Variants in LRP12 observed in about 807,000 individuals in gnomAD.
LRP12 encodes low-density lipoprotein receptor-related protein 12.
Under a neutral mutation model 66.0 loss-of-function variants are expected in LRP12, and 14 were observed. That is an observed-to-expected ratio of 0.21 (90% CI 0.14 to 0.33). LRP12 has a LOEUF of 0.33. Among genes scored for constraint, LRP12 ranks in the 10% least tolerant of loss-of-function variants. The probability of loss-of-function intolerance (pLI) is 1.00; values close to 1 mark genes in which losing one functional copy is unlikely to be tolerated. For synonymous variants in LRP12, 357 were observed against 359.1 expected, an observed-to-expected ratio of 0.99 and a Z score of 0.07; for missense variants, 889 against 1,053.4, an observed-to-expected ratio of 0.84 and a Z score of 2.16.
intron 1 of LRP12, among the ~76,000 whole-genome samples, chr8:104,546,468 A>G (rs775970079): frequency 9.9e-5 from 15 of 152,282 alleles, no homozygotes; most frequent in Non-Finnish European, 2.1e-4. Flanking sequence ...AACATTACAC[A>G]TTGTACGAAT....
intron 1 of LRP12, among the ~76,000 whole-genome samples, chr8:104,585,866 G>A (rs1812322028): frequency 6.6e-6 from 1 of 152,198 alleles, no homozygotes; most frequent in Non-Finnish European, 1.5e-5. Context: ...TAGGAGGTGA[G>A]CAAGACTAAC....
intron 2 of LRP12, 27 bp from the exon 3 acceptor site, chr8:104,509,101 CTTA>C (rs764972300): frequency 6.2e-7 from 1 of 1,605,310 alleles, no homozygotes; most frequent in East Asian, 2.2e-5. Context: ...GCAATCTTTC[CTTA>C]TTATTACACA....
rs1027741261 is a variant in LRP12 at position 104,532,468 on chromosome 8, G to A, written c.80-505C>T. ...AACAATTCTAACAATCTTAAGTATT[G>A]CGAATATTTACTCCCTCAAATTAAT... is the stretch of plus-strand genomic sequence containing the variant. On this transcript the variant is annotated intron_variant, in intron 1 of 6. Transcript: ENST00000276654. Among the ~76,000 whole-genome samples, 77 of 150,632 alleles carry A rather than the reference G, an allele frequency of 5.1e-4. 3 individuals are homozygous for A. Among genetic ancestry groups the A allele is most frequent in the African/African-American group, 2.4e-5 (1 of 40,956 alleles).
intron 1 of LRP12, among the ~76,000 whole-genome samples, chr8:104,535,039 A>T (rs1420856991): frequency 6.6e-6 from 1 of 151,684 alleles, no homozygotes; most frequent in East Asian, 1.9e-4. Context: ...AAAAAAAAAA[A>T]GTCTGATAAA....
At chr8:104,517,651 T>C (rs373142985) in intron 2 of LRP12, among the ~76,000 whole-genome samples, 1 of 152,072 alleles carries the variant, frequency 6.6e-6, no homozygotes, top group African/African-American at 2.4e-5. Context: ...CAAAGGATAA[T>C]AGCATATATA....
chr8:104,498,037 C>G lies in LRP12; in HGVS notation c.515G>C (p.Arg172Pro). 1.2e-6 allele frequency: 2 copies of G among 1,608,564 alleles called. No homozygotes were observed. Among genetic ancestry groups the G allele is most frequent in the Non-Finnish European group, 1.7e-6 (2 of 1,176,856 alleles). Residue 172 changes from arginine to proline, a missense_variant, in exon 5 of 7, where the codon CGT becomes CCT. Coordinates refer to ENST00000276654, the MANE Select transcript of LRP12 (RefSeq NM_013437.5). ...EEPNCACDQF[R>P]CGNGKCIPEA... ...TGGTATACACTTTCCATTACCACAACGAAACTGATCACAAGCACAATTTGG... is the reference window on the plus strand; with the variant it reads ...TGGTATACACTTTCCATTACCACAAGGAAACTGATCACAAGCACAATTTGG...
intron 2 of LRP12, among the ~76,000 whole-genome samples, chr8:104,522,735 TTTATAAACTTCAGGCTAG>T (rs1490223665): frequency 5.9e-5 from 9 of 152,138 alleles, no homozygotes; most frequent in Admixed American, 1.3e-4. Flanking sequence ...CAGAAAATAT[TTTATAAACTTCAGGCTAG>T]TTTTTGCCTA....
In LRP12 at chr8:104,519,734, C is replaced by T. The variant is rs1456421637; in HGVS notation, c.137-10660G>A. Among the ~76,000 whole-genome samples, 6 of 152,106 alleles carry T rather than the reference C, an allele frequency of 3.9e-5. No individual in the cohort carries two copies. In the South Asian group the frequency reaches 1.2e-3, roughly 32 times the overall value. Reference sequence around the variant, plus strand: ...TCACTCCCACTTAGGACTCTCATTACTCTGAGACTTATTATTAGAAACCGC... The same window carrying T: ...TCACTCCCACTTAGGACTCTCATTATTCTGAGACTTATTATTAGAAACCGC... On this transcript the variant is annotated intron_variant, in intron 2 of 6. Coordinates refer to ENST00000276654, the MANE Select transcript of LRP12 (RefSeq NM_013437.5).
intron 1 of LRP12, among the ~76,000 whole-genome samples, chr8:104,570,820 G>GA (rs1279178491): frequency 1.3e-5 from 2 of 151,044 alleles, no homozygotes; most frequent in African/African-American, 2.4e-5. Flanking sequence ...ACTGTCTAGA[G>GA]AAAAAAAAGA....
At chr8:104,530,580 T>C (rs1370785354) in intron 2 of LRP12, among the ~76,000 whole-genome samples, 5 of 152,188 alleles carry the variant, frequency 3.3e-5, no homozygotes, top group Non-Finnish European at 7.3e-5. Flanking sequence ...CTGATGTCTG[T>C]TATTTAAGCC....
In LRP12 at chr8:104,588,799, G is replaced by A. The variant is rs200999165; in HGVS notation, c.79+20C>T. 3.7e-4 allele frequency: 589 copies of A among 1,609,824 alleles called. 1 individual carries two copies. The African/African-American group carries it at 7.0e-3, about 19-fold the overall frequency. On this transcript the variant is annotated intron_variant, in intron 1 of 6. Coordinates refer to ENST00000276654, the MANE Select transcript of LRP12 (RefSeq NM_013437.5). ...CTCAGCTTTGTTCGGTCAGCGGGGC[G>A]CGGGGACGCGGACACTTACCGTACA... is the stretch of plus-strand genomic sequence containing the variant.
chr8:104,544,892 G>C (rs1327974241), intron 1 of LRP12, among the ~76,000 whole-genome samples: 1 of 152,126 alleles, frequency 6.6e-6, no homozygotes, highest in Non-Finnish European at 1.5e-5. Context: ...CAACTTTCAA[G>C]CCTATTATTT....
At chr8:104,532,546 A>G (rs965923996) in intron 1 of LRP12, among the ~76,000 whole-genome samples, 1 of 152,100 alleles carries the variant, frequency 6.6e-6, no homozygotes, top group African/African-American at 2.4e-5. Context: ...TTTATACATC[A>G]TTAGTTCTAA....
chr8:104,493,014 A>G (rs1396239470), intron 6 of LRP12, among the ~76,000 whole-genome samples: 1 of 152,196 alleles, frequency 6.6e-6, no homozygotes, highest in African/African-American at 2.4e-5. Context: ...TTGTGCTGCT[A>G]TTAGCCATCA....
Position 104,531,980 on chromosome 8 carries a change from T to C in LRP12, c.80-17A>G. 4 of 1,540,576 alleles carry C rather than the reference T, an allele frequency of 2.6e-6. No individual in the cohort carries two copies. Among genetic ancestry groups the C allele is most frequent in the South Asian group, 1.2e-5 (1 of 83,810 alleles). On this transcript the variant is annotated splice_polypyrimidine_tract_variant and intron_variant, in intron 1 of 6. Transcript: ENST00000276654. ...CACCATTTCCTAAAATTAAACATAA[T>C]GAATAAACTAATATCCAAGATAAAA...
At chr8:104,569,581 G>A (rs1224452040) in intron 1 of LRP12, among the ~76,000 whole-genome samples, 2 of 151,988 alleles carry the variant, frequency 1.3e-5, no homozygotes, top group African/African-American at 4.8e-5. Context: ...ACAGAAAAGG[G>A]ATTTTTCTAA....
At chr8:104,536,688 G>T (rs1448245788) in intron 1 of LRP12, among the ~76,000 whole-genome samples, 1 of 151,962 alleles carries the variant, frequency 6.6e-6, no homozygotes, top group African/African-American at 2.4e-5. Flanking sequence ...TAAAAATAGG[G>T]ATGAGGACAG....
chr8:104,547,575 T>TA (rs1272738687), intron 1 of LRP12, among the ~76,000 whole-genome samples: 16 of 124,062 alleles, frequency 1.3e-4, no homozygotes, highest in Non-Finnish European at 9.5e-5. Flanking sequence ...TAATAATTAT[T>TA]ATATATTAAT....
intron 1 of LRP12, among the ~76,000 whole-genome samples, chr8:104,533,427 C>T (rs770320531): frequency 3.3e-5 from 5 of 152,054 alleles, no homozygotes; most frequent in Non-Finnish European, 7.4e-5. Context: ...AGTAGACTAG[C>T]AGTACTGGCC....
Sources: gnomAD v4.1 joint callset for allele counts (sites outside exome capture counted in the v4.1 genomes callset) on GRCh38, gnomAD v4.1.1 for gene constraint, MANE v1.5 for transcripts, NCBI Gene and HGNC (gene_info 2026-07-23, HGNC 2026-07-21) for gene names.